SORCS3: variants seen among roughly 807,000 people sequenced by gnomAD.
SORCS3 encodes the protein sortilin related VPS10 domain containing receptor 3.
SORCS3 carries 57 observed loss-of-function variants against 146.3 expected under a neutral mutation model. The observed-to-expected ratio is 0.39, with a 90% CI of 0.31 to 0.49. The LOEUF is 0.49. Ranked by LOEUF, SORCS3 falls within the 20% of genes least tolerant of loss-of-function variation. The pLI is 0.92. For synonymous variants in SORCS3, 653 were observed against 618.5 expected (o/e 1.06, Z -0.83); for missense variants, 1,341 against 1,575.5 (o/e 0.85, Z 2.52).
chr10:104,955,596 G>A (rs962227402), intron 3 of SORCS3, among the ~76,000 whole-genome samples: 3 of 152,198 alleles, frequency 2.0e-5, no homozygotes, highest in African/African-American at 7.2e-5. Flanking sequence ...CCCTTTGGGA[G>A]GATTAGATAC....
chr10:105,151,030 G>A (rs967433567), intron 9 of SORCS3, among the ~76,000 whole-genome samples: 1 of 152,180 alleles, frequency 6.6e-6, no homozygotes, highest in Non-Finnish European at 1.5e-5. Context: ...GTTTGATGAT[G>A]TTAGGACTGG....
chr10:104,811,302 G>C (rs1565419), intron 1 of SORCS3, among the ~76,000 whole-genome samples: 83,737 of 152,010 alleles, frequency 0.55, 23,468 homozygotes, highest in East Asian at 0.83. Flanking sequence ...ACCACCACCA[G>C]GATAATTACT....
intron 9 of SORCS3, among the ~76,000 whole-genome samples, chr10:105,153,222 C>T (rs189121460): frequency 6.6e-6 from 1 of 152,094 alleles, no homozygotes; most frequent in African/African-American, 2.4e-5. Context: ...AGTAGGTAAC[C>T]TTTTCAGTCT....
rs146742929 is a variant in SORCS3, at chr10:104,683,802, A to G, written c.627+41848A>G. Among the ~76,000 whole-genome samples the G allele has an allele frequency of 3.0e-4, 46 of 152,272 alleles. No individual in the cohort carries two copies. In the East Asian group the frequency reaches 8.3e-3, roughly 28 times the overall value. On this transcript the variant is annotated intron_variant, in intron 1 of 26. Coordinates refer to ENST00000369701, the MANE Select transcript of SORCS3 (RefSeq NM_014978.3). The stretch of plus-strand genomic sequence containing the variant: ...TATGAAAAGTCTTATTGTCCAGCCA[A>G]ACAAACAATTTGCTTATTCCTGCTG...
intron 3 of SORCS3, among the ~76,000 whole-genome samples, chr10:104,958,911 G>A (rs1224957155): frequency 2.0e-5 from 3 of 151,996 alleles, no homozygotes; most frequent in Non-Finnish European, 4.4e-5. Flanking sequence ...TTGTGAGAAC[G>A]AACTCACTGT....
intron 1 of SORCS3, among the ~76,000 whole-genome samples, chr10:104,661,654 GGTA>G (rs1436325827): frequency 2.0e-5 from 3 of 151,894 alleles, no homozygotes; most frequent in African/African-American, 7.3e-5. Context: ...TGTTATTTAA[GGTA>G]GTATGATTTG....
intron 4 of SORCS3, among the ~76,000 whole-genome samples, chr10:105,014,010 G>A (rs1290406700): frequency 7.1e-6 from 1 of 140,422 alleles, no homozygotes. Flanking sequence ...CACACACACA[G>A]GCATGGGAAA....
chr10:105,092,044 G>A (rs964963420), intron 6 of SORCS3, among the ~76,000 whole-genome samples: 9 of 152,136 alleles, frequency 5.9e-5, no homozygotes, highest in African/African-American at 1.9e-4. Context: ...CTCAGGCTTC[G>A]TGAGCTCAGG....
chr10:104,791,750 G>T (rs1282200820), intron 1 of SORCS3, among the ~76,000 whole-genome samples: 1 of 152,154 alleles, frequency 6.6e-6, no homozygotes, highest in Non-Finnish European at 1.5e-5. Flanking sequence ...AGGTGCCTGT[G>T]CTTCTCTGAG....
chr10:105,250,299 A>G (rs904886048), intron 22 of SORCS3, among the ~76,000 whole-genome samples: 2 of 152,168 alleles, frequency 1.3e-5, no homozygotes, highest in African/African-American at 4.8e-5. Context: ...AAAAACATTC[A>G]GATCATAGCA....
intron 20 of SORCS3, among the ~76,000 whole-genome samples, chr10:105,230,394 C>T (rs924266300): frequency 6.6e-6 from 1 of 151,954 alleles, no homozygotes; most frequent in African/African-American, 2.4e-5. Context: ...TAGTGGTGGG[C>T]AGGGTTGCTT....
intron 1 of SORCS3, among the ~76,000 whole-genome samples, chr10:104,688,157 C>G (rs921968627): frequency 1.3e-5 from 2 of 152,240 alleles, no homozygotes. Context: ...CTCCCAGAAG[C>G]GGGTCTGGAT....
At chr10:105,242,132 C>A (rs971391125) in intron 20 of SORCS3, among the ~76,000 whole-genome samples, 3 of 151,342 alleles carry the variant, frequency 2.0e-5, no homozygotes, top group Non-Finnish European at 2.9e-5. Flanking sequence ...ATTGCAATTT[C>A]TTATAAAACT....
intron 19 of SORCS3, among the ~76,000 whole-genome samples, chr10:105,221,917 G>T (rs941814447): frequency 4.0e-5 from 6 of 151,892 alleles, no homozygotes; most frequent in African/African-American, 1.5e-4. Context: ...GAAAGAAGGA[G>T]GGAGGAAGAC....
intron 14 of SORCS3, among the ~76,000 whole-genome samples, chr10:105,189,949 A>G (rs2056505918): frequency 6.6e-6 from 1 of 152,182 alleles, no homozygotes; most frequent in Non-Finnish European, 1.5e-5. Flanking sequence ...ATAGGGTCAT[A>G]ATTGGAACTT....
intron 4 of SORCS3, among the ~76,000 whole-genome samples, chr10:105,015,740 T>A (rs1176751035): frequency 6.6e-6 from 1 of 152,084 alleles, no homozygotes; most frequent in Non-Finnish European, 1.5e-5. Flanking sequence ...TTTTTCTTTT[T>A]TCTTTTTGAG....
At chr10:104,735,788 C>G (rs1412308360) in intron 1 of SORCS3, among the ~76,000 whole-genome samples, 1 of 152,034 alleles carries the variant, frequency 6.6e-6, no homozygotes, top group Non-Finnish European at 1.5e-5. Context: ...AGCATGGGCT[C>G]CAGCCAGGAC....
At chr10:104,910,889 A>T (rs576319838) in intron 2 of SORCS3, among the ~76,000 whole-genome samples, 3 of 152,216 alleles carry the variant, frequency 2.0e-5, no homozygotes, top group Non-Finnish European at 4.4e-5. Context: ...AACAATTCAG[A>T]ATGGTAACTG....
intron 1 of SORCS3, among the ~76,000 whole-genome samples, chr10:104,773,846 G>A (rs1206475417): frequency 6.6e-6 from 1 of 152,226 alleles, no homozygotes; most frequent in Admixed American, 6.5e-5. Context: ...GAACTGGACA[G>A]TGCAGGTCTC....
Sources: allele counts gnomAD v4.1 joint callset (sites outside exome capture counted in the v4.1 genomes callset), GRCh38; gene constraint gnomAD v4.1.1; transcripts MANE v1.5; gene names NCBI Gene and HGNC (gene_info 2026-07-23, HGNC 2026-07-21).